LAMA3: variants seen among roughly 807,000 people sequenced by gnomAD.
LAMA3 encodes laminin subunit alpha-3.
A neutral mutation model predicts 402.0 loss-of-function variants in LAMA3; 281 were observed. The ratio of observed to expected loss-of-function variants is 0.70; its 90% confidence interval spans 0.63 to 0.77. The LOEUF (loss-of-function observed/expected upper bound fraction) is 0.77. Ranked by LOEUF, LAMA3 falls within the 30% of genes least tolerant of loss-of-function variation. The pLI is 0.00. For missense variants in LAMA3, 3,840 were observed against 4,215.5 expected (o/e 0.91, Z 2.47); for synonymous variants, 1,431 against 1,558.4 (o/e 0.92, Z 1.93).
At chr18:23,749,370 A>C (rs2061704797) in intron 3 of LAMA3, 58 bp from the exon 4 acceptor site, 1 of 909,748 alleles carries the variant, frequency 1.1e-6, no homozygotes, top group Non-Finnish European at 1.8e-6. Context: ...GCTTCTTAAG[A>C]GATTTGCAAC....
intron 10 of LAMA3, among the ~76,000 whole-genome samples, chr18:23,776,877 G>A (rs1598770128): frequency 7.4e-6 from 1 of 135,374 alleles, no homozygotes; most frequent in Admixed American, 7.8e-5. Context: ...TTTCGCTCTT[G>A]TTGCCCAGGC....
intron 3 of LAMA3, among the ~76,000 whole-genome samples, chr18:23,748,572 G>A (rs2061692651): frequency 6.7e-6 from 1 of 150,136 alleles, no homozygotes; most frequent in Non-Finnish European, 1.5e-5. Flanking sequence ...AGGCAGGCGG[G>A]TCACTTGAGG....
intron 12 of LAMA3, among the ~76,000 whole-genome samples, chr18:23,797,362 C>CTGG (rs2062784667): frequency 6.6e-6 from 1 of 152,064 alleles, no homozygotes; most frequent in Non-Finnish European, 1.5e-5. Context: ...TATCAGCTGA[C>CTGG]CCAGTATATT....
chr18:23,843,739 C>T (rs187336217), intron 29 of LAMA3, among the ~76,000 whole-genome samples: 1 of 152,322 alleles, frequency 6.6e-6, no homozygotes, highest in East Asian at 1.9e-4. Flanking sequence ...CACTCAGGCC[C>T]TCACGACCCC....
At position 23,753,781 on chromosome 18, in the gene LAMA3, G is replaced by T. The variant is rs771405735; in HGVS notation, c.916G>T (p.Glu306Ter). The change falls in exon 6 of 75, where the codon GAA (glutamate) becomes TAA (stop). Residue 306 changes from glutamate (E) to a stop codon, truncating the protein, a stop_gained. Coordinates refer to ENST00000313654, the MANE Select transcript of LAMA3 (RefSeq NM_198129.4). LOFTEE classifies it high-confidence loss of function. ...GCAGTGTGTTTGCAATGGCCATGCT[G>T]AAGTGTGCAATATAAACAATCCTGA... ...GGQCVCNGHA[E>*]VCNINNPEKL... 3 of 1,613,834 alleles carry T rather than the reference G, an allele frequency of 1.9e-6. No homozygotes were observed. The highest frequency in any genetic ancestry group is 1.1e-5 in the South Asian group (1 of 91,070).
At chr18:23,952,226 T>C (rs531272472) in intron 73 of LAMA3, among the ~76,000 whole-genome samples, 5 of 152,330 alleles carry the variant, frequency 3.3e-5, no homozygotes, top group African/African-American at 7.2e-5. Flanking sequence ...CTTAAGGTTG[T>C]GGAAATTAAA....
At chr18:23,947,202 C>T (rs1349949673) in intron 70 of LAMA3, among the ~76,000 whole-genome samples, 1 of 152,108 alleles carries the variant, frequency 6.6e-6, no homozygotes, top group Non-Finnish European at 1.5e-5. Flanking sequence ...TGCCCTCTCC[C>T]TTCCTCTCTC....
At chr18:23,914,886 A>ATTT (rs781038315) in intron 58 of LAMA3, 26 bp downstream of exon 58, 2 of 1,555,306 alleles carry the variant, frequency 1.3e-6, no homozygotes, top group African/African-American at 2.7e-5. Context: ...ATTTCACTGA[A>ATTT]TTAAATATTA....
At position 23,706,495 on chromosome 18, in the gene LAMA3, G is replaced by A. The variant is rs138637567; in HGVS notation, c.295-7425G>A. On this transcript the variant is annotated intron_variant, in intron 1 of 74. Transcript: ENST00000313654. ...CTTTAAACTTGGGTCTACTGAATAC[G>A]TATAAAATAATATTGCATTGTGGTC... Among the ~76,000 whole-genome samples the A allele has an allele frequency of 5.9e-3, 902 of 152,184 alleles. 6 individuals are homozygous for A. Among genetic ancestry groups the A allele is most frequent in the Non-Finnish European group, 9.7e-3 (660 of 67,990 alleles).
chr18:23,803,958 A>G (rs921219995), intron 12 of LAMA3, among the ~76,000 whole-genome samples: 1 of 152,052 alleles, frequency 6.6e-6, no homozygotes, highest in African/African-American at 2.4e-5. Flanking sequence ...CTTGGATCCA[A>G]TCTTATGTAT....
chr18:23,851,989 C>G (rs184889548), intron 32 of LAMA3, among the ~76,000 whole-genome samples: 1 of 152,192 alleles, frequency 6.6e-6, no homozygotes, highest in African/African-American at 2.4e-5. Context: ...ATGATAACAG[C>G]CTCTTTCCAG....
chr18:23,808,624 A>G (rs2063009349), intron 12 of LAMA3, among the ~76,000 whole-genome samples: 1 of 152,246 alleles, frequency 6.6e-6, no homozygotes, highest in African/African-American at 2.4e-5. Flanking sequence ...TGAACAAGTC[A>G]CATAGCCTGT....
chr18:23,939,148 T>G (rs2082403827), intron 67 of LAMA3, 75 bp from the exon 68 acceptor site: 1 of 1,467,898 alleles, frequency 6.8e-7, no homozygotes. Context: ...AGGGTGAAAA[T>G]TAAGCAATGT....
At chr18:23,747,000 A>G (rs368652031) in intron 2 of LAMA3, among the ~76,000 whole-genome samples, 1 of 152,146 alleles carries the variant, frequency 6.6e-6, no homozygotes, top group East Asian at 1.9e-4. Context: ...CTACTCCCCA[A>G]CTAGAGGAGC....
In LAMA3 at chr18:23,871,550, C is replaced by A. The variant is rs774878717; in HGVS notation, c.4887C>A (p.Leu1629=). 6.2e-6 allele frequency: 10 copies of A among 1,614,220 alleles called. No homozygotes were observed. Among genetic ancestry groups the A allele is most frequent in the Non-Finnish European group, 8.5e-6 (10 of 1,180,054 alleles). The change falls in exon 38 of 75, where the codon CTC becomes CTA. Residue 1629 remains leucine, a synonymous_variant. Transcript: ENST00000313654. ...QGLYFTETQR[L]TLSEVGLEEA... is the part of the protein sequence containing the mutation. ...TCTACTTCACAGAGACTCAAAGGCTCACCCTGAGCGAGGTGGGGCTAGAGG... is the reference window on the plus strand; with the variant it reads ...TCTACTTCACAGAGACTCAAAGGCTAACCCTGAGCGAGGTGGGGCTAGAGG...
chr18:23,830,437 C>G (rs1012501689), intron 23 of LAMA3, among the ~76,000 whole-genome samples: 1 of 152,210 alleles, frequency 6.6e-6, no homozygotes, highest in East Asian at 1.9e-4. Context: ...CCACTTCAGT[C>G]TGGCTTTCAC....
At chr18:23,905,351 G>C (rs541066998) in intron 51 of LAMA3, among the ~76,000 whole-genome samples, 171 bp from the exon 52 acceptor site, 1 of 152,178 alleles carries the variant, frequency 6.6e-6, no homozygotes, top group Non-Finnish European at 1.5e-5. Context: ...ATTCACATAG[G>C]TGTTAGGGCT....
chr18:23,932,903 T>C (rs1024963262), intron 66 of LAMA3, among the ~76,000 whole-genome samples: 5 of 152,162 alleles, frequency 3.3e-5, no homozygotes, highest in Admixed American at 3.3e-4. Context: ...TCCATCCTCC[T>C]TGGCCAGGAT....
At chr18:23,847,724 G>C in intron 32 of LAMA3, 56 bp downstream of exon 32, 1 of 1,530,062 alleles carries the variant, frequency 6.5e-7, no homozygotes, top group Non-Finnish European at 8.9e-7. Flanking sequence ...CGTGCCATCT[G>C]CCCACACACT....
Sources: allele counts gnomAD v4.1 joint callset (sites outside exome capture counted in the v4.1 genomes callset), GRCh38; gene constraint gnomAD v4.1.1; transcripts MANE v1.5; gene names NCBI Gene and HGNC (gene_info 2026-07-23, HGNC 2026-07-21).